The following RPRD1B variants were observed in gnomAD, a reference collection of about 807,000 sequenced individuals.
The protein encoded by RPRD1B is regulation of nuclear pre-mRNA domain-containing protein 1B.
Under a neutral mutation model 41.5 loss-of-function variants are expected in RPRD1B, and 11 were observed. The observed-to-expected ratio is 0.27, with a 90% CI of 0.17 to 0.44. The LOEUF (loss-of-function observed/expected upper bound fraction) is 0.44, where lower values mean the gene tolerates loss of function less well. Among genes scored for constraint, RPRD1B ranks in the 20% least tolerant of loss-of-function variants. The pLI, the probability that RPRD1B is intolerant of heterozygous loss-of-function variation, is 1.00. For synonymous variants in RPRD1B, 158 were observed against 155.6 expected, an observed-to-expected ratio of 1.02 and a Z score of -0.12; for missense variants, 248 against 389.9, an observed-to-expected ratio of 0.64 and a Z score of 3.06.
In RPRD1B at chr20:38,090,070, A is replaced by T; in HGVS notation, c.*195A>T. ...ACAGTTCAGAACAGTGGCGACTGGA[A>T]TCTGGTTTATATTCATATTTGCAAA... On this transcript the variant is annotated 3_prime_UTR_variant, in exon 7 of 7. Coordinates refer to ENST00000373433, the MANE Select transcript of RPRD1B (RefSeq NM_021215.4). 1.5e-6 allele frequency: 2 copies of T among 1,317,256 alleles called. No individual in the cohort carries two copies. Among genetic ancestry groups the T allele is most frequent in the Non-Finnish European group, 1.9e-6 (2 of 1,031,536 alleles). 81.6% of individuals were successfully genotyped at this position (1,317,256 alleles called of 1,614,324 possible). A position where few individuals can be genotyped will look rare whatever the true frequency, so the allele number is the denominator to read the frequency against.
chr20:38,086,068 G>A (rs1269130782), intron 6 of RPRD1B, among the ~76,000 whole-genome samples: 4 of 152,128 alleles, frequency 2.6e-5, no homozygotes, highest in Admixed American at 6.6e-5. Context: ...ACCTGCCTCA[G>A]CCTCCCAAAG....
rs148604798 is a variant in RPRD1B, at chr20:38,090,903, G to A, written c.*1028G>A. ...TGAGCAGGTCCGTCTGTCATGTCACGCCACTGCACAGGTCCTTGTCCCCAC... is the reference window on the plus strand; with the variant it reads ...TGAGCAGGTCCGTCTGTCATGTCACACCACTGCACAGGTCCTTGTCCCCAC... On this transcript the variant is annotated 3_prime_UTR_variant, in exon 7 of 7. Coordinates refer to ENST00000373433, the MANE Select transcript of RPRD1B (RefSeq NM_021215.4). 231 of 985,116 alleles carry A rather than the reference G, an allele frequency of 2.3e-4. No homozygotes were observed. The highest frequency in any genetic ancestry group is 1.0e-3 in the Middle Eastern group (2 of 1,914). The allele number at this position is 985,116 out of a possible 1,614,324, so 61.0% of individuals were successfully genotyped here.
intron 6 of RPRD1B, among the ~76,000 whole-genome samples, chr20:38,082,076 T>C (rs181378204): frequency 6.6e-6 from 1 of 152,216 alleles, no homozygotes; most frequent in African/African-American, 2.4e-5. Flanking sequence ...ATAGAATGAG[T>C]TAGGGAGGAC....
intron 6 of RPRD1B, among the ~76,000 whole-genome samples, chr20:38,074,126 C>T (rs953042923): frequency 6.6e-6 from 1 of 152,188 alleles, no homozygotes; most frequent in Non-Finnish European, 1.5e-5. Context: ...CTTTCCATCC[C>T]CTACTTTGAT....
intron 6 of RPRD1B, among the ~76,000 whole-genome samples, chr20:38,085,224 GT>G: frequency 6.6e-6 from 1 of 152,300 alleles, no homozygotes; most frequent in East Asian, 1.9e-4. Flanking sequence ...GAGTGCGCTG[GT>G]GGGGAGAGGA....
chr20:38,060,059 T>C (rs2122726051), intron 5 of RPRD1B, among the ~76,000 whole-genome samples: 1 of 152,278 alleles, frequency 6.6e-6, no homozygotes, highest in South Asian at 2.1e-4. Context: ...TATGGGAAAT[T>C]GAAAGGAAGG....
At chr20:38,068,429 G>A (rs932260062) in intron 6 of RPRD1B, among the ~76,000 whole-genome samples, 1 of 152,226 alleles carries the variant, frequency 6.6e-6, no homozygotes. Context: ...GTCTCGCTCT[G>A]TCACTCAGGT....
chr20:38,076,121 C>T (rs2074457236), intron 6 of RPRD1B, among the ~76,000 whole-genome samples: 1 of 152,168 alleles, frequency 6.6e-6, no homozygotes, highest in Non-Finnish European at 1.5e-5. Context: ...TTTCCTTTTG[C>T]TCACAGTGTG....
chr20:38,066,044 T>C (rs573191752), intron 5 of RPRD1B, 37 bp from the exon 6 acceptor site: 8 of 1,602,940 alleles, frequency 5.0e-6, no homozygotes, highest in Non-Finnish European at 6.8e-6. Context: ...GTGTGATTTG[T>C]ATATTTTCTC....
At chr20:38,053,835 T>G (rs2074213262) in intron 3 of RPRD1B, among the ~76,000 whole-genome samples, 3 of 152,220 alleles carry the variant, frequency 2.0e-5, no homozygotes, top group Admixed American at 2.0e-4. Flanking sequence ...GTACATTGTA[T>G]TAGGTACTAT....
rs950972666 is a variant in RPRD1B, at chr20:38,040,445, T to G, written c.162T>G (p.Asn54Lys). The G allele has an allele frequency of 1.3e-6, 2 of 1,582,314 alleles. No homozygotes were observed. The highest frequency in any genetic ancestry group is 1.7e-6 in the Non-Finnish European group (2 of 1,169,818). The change falls in exon 2 of 7, where the codon AAT becomes AAG. Residue 54 changes from asparagine to lysine, a missense_variant. Transcript: ENST00000373433. Reference protein sequence around the residue: ...WHRELRKAKSNRKLTFLYLAN... With the variant: ...WHRELRKAKSKRKLTFLYLAN... ...TTTTCTTTTTTTCAGCCAAATCAAA[T>G]AGAAAGCTTACTTTTCTGTATTTAG...
rs2074156430 is a variant in RPRD1B at position 38,049,358 on chromosome 20, T to TC, written c.415+878dup. ...CTTATATTATTTTTTCTTTTTTCTTTCTTTTTTTCTTTTTTTTTTTTTTTT... is the reference window on the plus strand; with the variant it reads ...CTTATATTATTTTTTCTTTTTTCTTTCCTTTTTTTCTTTTTTTTTTTTTTTT... On this transcript the variant is annotated intron_variant, in intron 3 of 6. Coordinates refer to ENST00000373433, the MANE Select transcript of RPRD1B (RefSeq NM_021215.4). 2.9e-5 allele frequency among the ~76,000 whole-genome samples: 4 copies of TC among 140,094 alleles called. No homozygotes were observed. In the South Asian group the frequency reaches 9.6e-4, roughly 34 times the overall value. 91.9% of individuals were successfully genotyped at this position (140,094 alleles called of 152,430 possible).
intron 3 of RPRD1B, among the ~76,000 whole-genome samples, chr20:38,049,367 C>CTTTTTTTTTTTTTTT (rs11481142): frequency 6.4e-5 from 6 of 93,418 alleles, no homozygotes; most frequent in African/African-American, 8.9e-5. Context: ...TTCTTTTTTT[C>CTTTTTTTTTTTTTTT]TTTTTTTTTT....
At chr20:38,056,770 T>A (rs948497800) in intron 3 of RPRD1B, among the ~76,000 whole-genome samples, 3 of 152,238 alleles carry the variant, frequency 2.0e-5, no homozygotes, top group Non-Finnish European at 4.4e-5. Flanking sequence ...GCACAGGCTG[T>A]GTCCAATATT....
chr20:38,060,658 C>T (rs1306674879), intron 5 of RPRD1B, among the ~76,000 whole-genome samples: 1 of 152,122 alleles, frequency 6.6e-6, no homozygotes, highest in Non-Finnish European at 1.5e-5. Flanking sequence ...AGACCTCAGG[C>T]AGTGGGCGTA....
At chr20:38,068,412 A>C (rs1487622931) in intron 6 of RPRD1B, among the ~76,000 whole-genome samples, 2 of 152,200 alleles carry the variant, frequency 1.3e-5, no homozygotes, top group African/African-American at 4.8e-5. Context: ...TTTTTTTCTG[A>C]GATGGAGTCT....
chr20:38,049,121 G>A (rs1046822796), intron 3 of RPRD1B, among the ~76,000 whole-genome samples: 2 of 151,920 alleles, frequency 1.3e-5, no homozygotes, highest in Admixed American at 6.6e-5. Context: ...GCTAATTTTT[G>A]TATTTTTAGA....
intron 6 of RPRD1B, among the ~76,000 whole-genome samples, chr20:38,075,956 G>T (rs547927027): frequency 1.6e-4 from 25 of 152,244 alleles, no homozygotes; most frequent in Non-Finnish European, 2.8e-4. Flanking sequence ...GCCTAATTCT[G>T]CCAGTAGCTA....
intron 1 of RPRD1B, among the ~76,000 whole-genome samples, chr20:38,037,718 C>T (rs1299278144): frequency 6.6e-6 from 1 of 152,120 alleles, no homozygotes; most frequent in Admixed American, 6.5e-5. Flanking sequence ...TTGTTAAGTT[C>T]TGGGGTGATG....
Sources: gnomAD v4.1 joint callset for allele counts (sites outside exome capture counted in the v4.1 genomes callset) on GRCh38, gnomAD v4.1.1 for gene constraint, MANE v1.5 for transcripts, NCBI Gene and HGNC (gene_info 2026-07-23, HGNC 2026-07-21) for gene names.